The following TRIM43 variants were observed in gnomAD, a reference collection of about 807,000 sequenced individuals.
TRIM43 encodes tripartite motif-containing protein 43.
In TRIM43, 12 loss-of-function variants were observed where a neutral mutation model predicts 27.7. That is an observed-to-expected ratio of 0.43 (90% CI 0.28 to 0.70). The LOEUF is 0.70. Among genes scored for constraint, TRIM43 ranks in the 30% least tolerant of loss-of-function variants. The probability of loss-of-function intolerance (pLI) is 0.17; values close to 1 mark genes in which losing one functional copy is unlikely to be tolerated. For synonymous variants in TRIM43, 64 were observed against 121.9 expected (o/e 0.52, Z 3.13); for missense variants, 186 against 356.5 (o/e 0.52, Z 3.85).
rs549394448 is a variant in TRIM43, at chr2:95,593,143, T to A, written c.-4-877T>A. ...TGAGCTCGTGACATCGTGATCTGCC[T>A]GCCTCAGCCACCTCGGCCTCCCAAA... On this transcript the variant is annotated intron_variant, in intron 1 of 6. Transcript: ENST00000272395. Among the ~76,000 whole-genome samples the A allele has an allele frequency of 2.1e-3, 321 of 151,780 alleles. 4 individuals carry two copies. The highest frequency in any genetic ancestry group is 6.8e-3 in the African/African-American group (280 of 41,410).
chr2:95,595,538 GAA>G (rs1685341326), intron 3 of TRIM43, among the ~76,000 whole-genome samples: 2 of 151,156 alleles, frequency 1.3e-5, no homozygotes, highest in Admixed American at 1.3e-4. Context: ...CTGTGCTGGT[GAA>G]ATCTGATAGC....
chr2:95,593,693 A>C (rs1050712710), intron 1 of TRIM43, among the ~76,000 whole-genome samples: 4 of 151,862 alleles, frequency 2.6e-5, no homozygotes, highest in Admixed American at 6.6e-5. Context: ...TCAAGACTCA[A>C]ACCTTGAGTT....
At chr2:95,593,408 AT>A (rs1263563843) in intron 1 of TRIM43, among the ~76,000 whole-genome samples, 1 of 151,832 alleles carries the variant, frequency 6.6e-6, no homozygotes, top group Non-Finnish European at 1.5e-5. Flanking sequence ...TTAAATTAAC[AT>A]AGTAGCCTAG....
Position 95,594,069 on chromosome 2 carries a change from G to A in TRIM43, c.46G>A (p.Val16Ile), listed in dbSNP as rs370094486. ...SHAFQKELTC[V>I]ICLNYLVDPV... ...TGCCTTCCAGAAGGAACTCACCTGC[G>A]TCATCTGTTTGAACTACCTGGTAGA... Residue 16 changes from valine (V) to isoleucine (I), a missense_variant, in exon 2 of 7, where the codon GTC becomes ATC. By Grantham distance (29) the Val-to-Ile change is conservative. This residue lies in a region of TRIM43 where 41 missense variants were observed against 46.1 expected (regional missense o/e 0.89). Transcript: ENST00000272395. 3.8e-5 allele frequency: 61 copies of A among 1,612,950 alleles called. 1 individual carries two copies. The highest frequency in any genetic ancestry group is 7.7e-5 in the South Asian group (7 of 91,018).
chr2:95,595,207 A>G (rs1429581406), intron 3 of TRIM43, 62 bp downstream of exon 3: 50 of 1,165,882 alleles, frequency 4.3e-5, no homozygotes, highest in Admixed American at 8.2e-5. Context: ...CAACATTTAT[A>G]TTAGCAACTT....
At chr2:95,595,484 C>T (rs1035694385) in intron 3 of TRIM43, among the ~76,000 whole-genome samples, 1 of 150,750 alleles carries the variant, frequency 6.6e-6, no homozygotes, top group Non-Finnish European at 1.5e-5. Context: ...TGATATTGTC[C>T]AGGGGGAAGA....
chr2:95,594,595 C>G (rs1685321153), intron 2 of TRIM43, among the ~76,000 whole-genome samples, 161 bp downstream of exon 2: 1 of 150,832 alleles, frequency 6.6e-6, no homozygotes. Flanking sequence ...GCAACTCTAC[C>G]TTCCTTCATG....
chr2:95,595,166 C>T (rs1434768750), intron 3 of TRIM43, 21 bp downstream of exon 3: 7 of 1,574,508 alleles, frequency 4.4e-6, no homozygotes, highest in Non-Finnish European at 4.3e-6. Flanking sequence ...GACCGTGAGT[C>T]CTCCTGACCA....
rs980768016 is a variant in TRIM43, at chr2:95,596,533, C to T, written c.738+101C>T. The T allele has an allele frequency of 3.4e-6, 5 of 1,470,380 alleles. No homozygotes were observed. The Admixed American group carries it at 1.1e-4, about 34-fold the overall frequency. 91.1% of individuals were successfully genotyped at this position (1,470,380 alleles called of 1,614,324 possible). On this transcript the variant is annotated intron_variant, in intron 4 of 6. Transcript: ENST00000272395. ...AGACATTATTTCCTCATCTCCTGTA[C>T]TGACGGTGAGAGTCATTCCCACCGG...
chr2:95,595,934 A>G (rs565068317), intron 3 of TRIM43, among the ~76,000 whole-genome samples: 1 of 151,750 alleles, frequency 6.6e-6, no homozygotes, highest in African/African-American at 2.4e-5. Flanking sequence ...GATTATGTGT[A>G]TTATCCATGA....
intron 1 of TRIM43, among the ~76,000 whole-genome samples, chr2:95,593,656 T>G (rs1479674797): frequency 6.6e-5 from 10 of 151,740 alleles, no homozygotes; most frequent in Admixed American, 1.3e-4. Flanking sequence ...CACTGGCAAT[T>G]AAGAGTGTTA....
intron 2 of TRIM43, 97 bp downstream of exon 2, chr2:95,594,531 A>T: frequency 2.0e-6 from 3 of 1,507,956 alleles, no homozygotes; most frequent in Non-Finnish European, 2.7e-6. Context: ...TCCATTCTTT[A>T]CTGAGTGCCA....
chr2:95,596,556 C>T lies in TRIM43; in HGVS notation c.738+124C>T, dbSNP rs1487068093. On this transcript the variant is annotated intron_variant, in intron 4 of 6. Coordinates refer to ENST00000272395, the MANE Select transcript of TRIM43 (RefSeq NM_138800.3). ...TACTGACGGTGAGAGTCATTCCCAC[C>T]GGTTATAGAGATAAACTATAACTCC... 217 of 1,377,014 alleles carry T rather than the reference C, an allele frequency of 1.6e-4. 7 individuals carry two copies. The highest frequency in any genetic ancestry group is 4.3e-4 in the Middle Eastern group (2 of 4,618). 85.3% of individuals were successfully genotyped at this position (1,377,014 alleles called of 1,614,324 possible).
intron 1 of TRIM43, among the ~76,000 whole-genome samples, chr2:95,593,449 A>G (rs1172140573): frequency 1.3e-5 from 2 of 151,814 alleles, no homozygotes; most frequent in African/African-American, 2.4e-5. Context: ...TTTACCTTGG[A>G]GAGGTGCCTT....
At chr2:95,593,970 T>G in intron 1 of TRIM43, 50 bp from the exon 2 acceptor site, 6 of 1,547,108 alleles carry the variant, frequency 3.9e-6, no homozygotes, top group Non-Finnish European at 5.2e-6. Context: ...TGCTTGGATC[T>G]TTGTCTCTCC....
At chr2:95,594,923 A>C in intron 2 of TRIM43, 127 bp from the exon 3 acceptor site, 1 of 842,822 alleles carries the variant, frequency 1.2e-6, no homozygotes, top group Non-Finnish European at 1.8e-6. Context: ...ATGAGCAATG[A>C]AAAATTTTGT....
At position 95,596,217 on chromosome 2, in the gene TRIM43, C is replaced by A. The variant is rs368012209; in HGVS notation, c.523C>A (p.Arg175=). 1.2e-6 allele frequency: 2 copies of A among 1,610,194 alleles called. No individual in the cohort carries two copies. The highest frequency in any genetic ancestry group is 8.5e-7 in the Non-Finnish European group (1 of 1,178,558). The part of the protein sequence containing the change: ...AFLWRGNVVL[R]AQMIRNEYRK... ...ATCCCTACAGGGCAATGTGGTTTTACGGGCACAGATGATCAGGAATGAGTA... is the reference window on the plus strand; with the variant it reads ...ATCCCTACAGGGCAATGTGGTTTTAAGGGCACAGATGATCAGGAATGAGTA... Residue 175 remains arginine (R), a synonymous_variant, in exon 4 of 7, where the codon CGG becomes AGG. Transcript: ENST00000272395.
chr2:95,593,003 T>C (rs1692104885), intron 1 of TRIM43, among the ~76,000 whole-genome samples: 1 of 151,420 alleles, frequency 6.6e-6, no homozygotes, highest in African/African-American at 2.4e-5. Context: ...TTCACGCCAT[T>C]CTCCAGCCTC....
At chr2:95,593,046 T>G (rs529641072) in intron 1 of TRIM43, among the ~76,000 whole-genome samples, 4 of 151,668 alleles carry the variant, frequency 2.6e-5, no homozygotes, top group East Asian at 3.9e-4. Flanking sequence ...ACAGGCGTCC[T>G]CCACCACTCC....
Sources: allele counts gnomAD v4.1 joint callset (sites outside exome capture counted in the v4.1 genomes callset), GRCh38; gene constraint gnomAD v4.1.1; regional missense constraint gnomAD v4.1.1; transcripts MANE v1.5; gene names NCBI Gene and HGNC (gene_info 2026-07-23, HGNC 2026-07-21).